HNF4A: variants seen among roughly 807,000 people sequenced by gnomAD.
HNF4A encodes hepatocyte nuclear factor 4 alpha, also known as hepatocyte nuclear factor 4-alpha.
HNF4A carries 15 observed loss-of-function variants against 52.4 expected under a neutral mutation model. The observed-to-expected ratio is 0.29, with a 90% CI of 0.19 to 0.44. HNF4A has a LOEUF of 0.44. HNF4A is among the 20% of genes least tolerant of loss of function. The pLI is 1.00. For synonymous variants in HNF4A, 280 were observed against 264.4 expected (o/e 1.06, Z -0.57); for missense variants, 479 against 647.2 (o/e 0.74, Z 2.82).
chr20:44,378,566 C>A (rs1482898570), intron 1 of HNF4A, among the ~76,000 whole-genome samples: 1 of 152,050 alleles, frequency 6.6e-6, no homozygotes, highest in Non-Finnish European at 1.5e-5. Flanking sequence ...CCACGCCCAG[C>A]CGACCATTTT....
chr20:44,394,289 C>T (rs75902743), intron 1 of HNF4A, among the ~76,000 whole-genome samples: 2,962 of 152,240 alleles, frequency 0.019, 91 homozygotes, highest in African/African-American at 0.068. Flanking sequence ...CCTGAATACC[C>T]GAGGTGACCT....
chr20:44,367,312 G>A (rs1400984224), intron 1 of HNF4A, among the ~76,000 whole-genome samples: 1 of 128,994 alleles, frequency 7.8e-6, no homozygotes, highest in Admixed American at 8.1e-5. Context: ...TCCAGCCTGG[G>A]CAACAAAAGC....
Position 44,409,839 on chromosome 20 carries a change from CTTT to C in HNF4A, c.385+2378_385+2380del, listed in dbSNP as rs11468260. The stretch of plus-strand genomic sequence containing the variant: ...GGGTGTGTTTGTTCCCTGGTCCCTT[CTTT>C]TTTTTTTTTTTTTAGATGGAATTTC... On this transcript the variant is annotated intron_variant, in intron 3 of 9. Transcript: ENST00000316099. Among the ~76,000 whole-genome samples, 659 of 144,082 alleles carry C rather than the reference CTTT, an allele frequency of 4.6e-3. 9 individuals are homozygous for C. Among genetic ancestry groups the C allele is most frequent in the African/African-American group, 0.013 (518 of 39,028 alleles). The allele number at this position is 144,082 out of a possible 152,430, so 94.5% of individuals were successfully genotyped here.
chr20:44,386,267 A>T (rs1339649094), intron 1 of HNF4A, among the ~76,000 whole-genome samples: 1 of 144,810 alleles, frequency 6.9e-6, no homozygotes, highest in Non-Finnish European at 1.5e-5. Context: ...TCATGGGTTT[A>T]AGTGATTTTC....
intron 1 of HNF4A, among the ~76,000 whole-genome samples, chr20:44,379,852 G>A (rs1309247341): frequency 1.3e-5 from 2 of 149,942 alleles, no homozygotes; most frequent in African/African-American, 4.9e-5. Flanking sequence ...TCCTACCTCA[G>A]CCTCCTGAGT....
At chr20:44,409,849 T>C (rs2146390207) in intron 3 of HNF4A, among the ~76,000 whole-genome samples, 1 of 152,076 alleles carries the variant, frequency 6.6e-6, no homozygotes, top group East Asian at 1.9e-4. Context: ...CTTTTTTTTT[T>C]TTTTTTAGAT....
chr20:44,364,999 G>C (rs941751668), intron 1 of HNF4A, among the ~76,000 whole-genome samples: 1 of 152,172 alleles, frequency 6.6e-6, no homozygotes, highest in African/African-American at 2.4e-5. Flanking sequence ...GGTCCCTAGC[G>C]GGGCGGGACT....
chr20:44,373,245 G>C (rs2063052043), intron 1 of HNF4A, among the ~76,000 whole-genome samples: 1 of 152,108 alleles, frequency 6.6e-6, no homozygotes, highest in Non-Finnish European at 1.5e-5. Context: ...AAATTCCTGG[G>C]CTCAAGCCAT....
chr20:44,407,347 T>C, intron 2 of HNF4A, 34 bp from the exon 3 acceptor site: 1 of 1,512,822 alleles, frequency 6.6e-7, no homozygotes, highest in Non-Finnish European at 9.1e-7. Context: ...GGAAGTTGTG[T>C]CTTCTCCATC....
At chr20:44,375,657 G>A (rs1181121230) in intron 1 of HNF4A, among the ~76,000 whole-genome samples, 1 of 152,152 alleles carries the variant, frequency 6.6e-6, no homozygotes, top group Non-Finnish European at 1.5e-5. Context: ...AGGGAACTTT[G>A]AGGTTGTTAG....
At chr20:44,368,419 G>A (rs576065155) in intron 1 of HNF4A, among the ~76,000 whole-genome samples, 3 of 151,436 alleles carry the variant, frequency 2.0e-5, no homozygotes, top group African/African-American at 7.3e-5. Flanking sequence ...CACCTGCCTC[G>A]GCCTCCCAAA....
At position 44,432,254 on chromosome 20, in the gene HNF4A, C is replaced by T. The variant is rs1363000693; in HGVS notation, c.*2589C>T. On this transcript the variant is annotated 3_prime_UTR_variant, in exon 10 of 10. Coordinates refer to ENST00000316099, the MANE Select transcript of HNF4A (RefSeq NM_000457.6). ...TTTCTGGAGGAGAAACCCATTCCACCTTAATAACTTTATTGTAATGTGAGA... is the reference window on the plus strand; with the variant it reads ...TTTCTGGAGGAGAAACCCATTCCACTTTAATAACTTTATTGTAATGTGAGA... 3.3e-5 allele frequency: 5 copies of T among 151,404 alleles called. No individual in the cohort carries two copies. 9.4% of individuals were successfully genotyped at this position (151,404 alleles called of 1,614,324 possible).
chr20:44,393,496 G>A (rs1600684773), intron 1 of HNF4A, among the ~76,000 whole-genome samples: 2 of 152,232 alleles, frequency 1.3e-5, no homozygotes, highest in African/African-American at 4.8e-5. Context: ...CCTGGAGTTA[G>A]AGGCACAGAC....
At chr20:44,373,294 C>T (rs541575340) in intron 1 of HNF4A, among the ~76,000 whole-genome samples, 1 of 152,288 alleles carries the variant, frequency 6.6e-6, no homozygotes, top group South Asian at 2.1e-4. Context: ...GGACTACAGA[C>T]ACACACCACC....
chr20:44,367,771 AAAAT>A (rs1260954625), intron 1 of HNF4A, among the ~76,000 whole-genome samples: 1 of 152,088 alleles, frequency 6.6e-6, no homozygotes, highest in Admixed American at 6.6e-5. Context: ...ACAAAGTGAG[AAAAT>A]AAATAAATAA....
intron 1 of HNF4A, chr20:44,390,558 G>A: frequency 1.4e-6 from 1 of 700,900 alleles, no homozygotes; most frequent in Non-Finnish European, 2.6e-6. Flanking sequence ...CAGGGTCTGG[G>A]GTGCTGAGAG....
chr20:44,400,365 G>A (rs749316170), upstream of HNF4A, among the ~76,000 whole-genome samples: 1 of 152,124 alleles, frequency 6.6e-6, no homozygotes, highest in African/African-American at 2.4e-5. Flanking sequence ...GAGGATGGAC[G>A]TCTACCAGGC....
At chr20:44,368,616 A>G (rs1044441736) in intron 1 of HNF4A, among the ~76,000 whole-genome samples, 2 of 152,150 alleles carry the variant, frequency 1.3e-5, no homozygotes, top group African/African-American at 4.8e-5. Flanking sequence ...TCAAGGGGAT[A>G]GAGGCAAGAG....
Position 44,431,850 on chromosome 20 carries a change from G to A in HNF4A, c.*2185G>A, listed in dbSNP as rs2063881561. The A allele has an allele frequency of 6.6e-6, 1 of 152,290 alleles. No individual in the cohort carries two copies. The highest frequency in any genetic ancestry group is 1.5e-5 in the Non-Finnish European group (1 of 68,152). The allele number at this position is 152,290 out of a possible 1,614,324, so 9.4% of individuals were successfully genotyped here. On this transcript the variant is annotated 3_prime_UTR_variant, in exon 10 of 10. Transcript: ENST00000316099. ...TTGTTTTTTATGAGAAAGAGGCGTGGAGAAGTATTGGGGCAATGTGTCAGG... is the reference window on the plus strand; with the variant it reads ...TTGTTTTTTATGAGAAAGAGGCGTGAAGAAGTATTGGGGCAATGTGTCAGG...
Sources: gnomAD v4.1 joint callset for allele counts (sites outside exome capture counted in the v4.1 genomes callset) on GRCh38, gnomAD v4.1.1 for gene constraint, MANE v1.5 for transcripts, NCBI Gene and HGNC (gene_info 2026-07-23, HGNC 2026-07-21) for gene names.